TET3: variants seen among roughly 807,000 people sequenced by gnomAD.
The protein encoded by TET3 is tet methylcytosine dioxygenase 3.
A neutral mutation model predicts 141.4 loss-of-function variants in TET3; 19 were observed. The ratio of observed to expected loss-of-function variants is 0.13; its 90% CI spans 0.09 to 0.20. TET3 has a LOEUF of 0.20. TET3 is among the 10% of genes least tolerant of loss of function. TET3 has a pLI of 1.00. For synonymous variants in TET3, 1,043 were observed against 980.9 expected (o/e 1.06, Z -1.18); for missense variants, 1,874 against 2,356.9 (o/e 0.80, Z 4.24).
At chr2:74,065,098 T>C (rs368839722) in intron 4 of TET3, among the ~76,000 whole-genome samples, 4 of 152,224 alleles carry the variant, frequency 2.6e-5, no homozygotes, top group East Asian at 3.8e-4. Context: ...TCTAAAAGCT[T>C]TTTCAATGAA....
downstream of TET3, among the ~76,000 whole-genome samples, chr2:74,112,050 C>T (rs1691716547): frequency 6.6e-6 from 1 of 152,142 alleles, no homozygotes; most frequent in African/African-American, 2.4e-5. Flanking sequence ...TCTCCCTGCC[C>T]AGCTTACCAA....
chr2:74,089,508 C>T (rs1213591002), intron 7 of TET3, among the ~76,000 whole-genome samples: 2 of 152,204 alleles, frequency 1.3e-5, no homozygotes, highest in Non-Finnish European at 2.9e-5. Context: ...GAAATAGACA[C>T]GTTCAAACCC....
intron 4 of TET3, among the ~76,000 whole-genome samples, chr2:74,064,543 G>A (rs980933334): frequency 2.0e-5 from 3 of 152,122 alleles, no homozygotes; most frequent in African/African-American, 7.2e-5. Context: ...GGGACTACAG[G>A]CGTGCGTGCC....
At chr2:74,132,755 A>G in the TET3 span, among the ~76,000 whole-genome samples, 1 of 152,226 alleles carries the variant, frequency 6.6e-6, no homozygotes, top group African/African-American at 2.4e-5. Flanking sequence ...GCAGATGCCA[A>G]TCTAGAGTGA....
At chr2:74,011,612 G>A (rs1685439233) in intron 3 of TET3, among the ~76,000 whole-genome samples, 1 of 152,178 alleles carries the variant, frequency 6.6e-6, no homozygotes, top group African/African-American at 2.4e-5. Context: ...ATCACCTTTA[G>A]TTTCTTTTCT....
At position 74,100,772 on chromosome 2, in the gene TET3, G is replaced by A; in HGVS notation, c.3984G>A (p.Leu1328=). The A allele has an allele frequency of 1.9e-6, 3 of 1,613,364 alleles. No homozygotes were observed. The highest frequency in any genetic ancestry group is 2.5e-6 in the Non-Finnish European group (3 of 1,179,706). The change falls in exon 12 of 12, where the codon CTG becomes CTA. Residue 1328 remains leucine (L), a synonymous_variant. Transcript: ENST00000409262. The part of the protein sequence containing the change: ...KPDLHALHNS[L]SPAYGGAEFA... ...ACCTCCACGCTCTGCACAACAGCCT[G>A]AGCCCGGCCTACGGTGGTGCTGAGT...
Position 74,101,300 on chromosome 2 carries a change from T to C in TET3, c.4512T>C (p.Ser1504=), listed in dbSNP as rs377551317. The change falls in exon 12 of 12, where the codon TCT becomes TCC. Residue 1504 remains serine, a synonymous_variant. Coordinates refer to ENST00000409262, the MANE Select transcript of TET3 (RefSeq NM_001287491.2). This position sits in a 1 kb window ranked among gnomAD's most constrained non-coding sequence, Gnocchi z 8.5. ...PGEGQQAASH[S]GGRLRGKPWS... is the part of the protein sequence containing the mutation. ...AGGGGCAGCAGGCAGCTTCCCACTC[T>C]GGAGGACGGCTGCGAGGCAAACCGT... 9 of 1,613,254 alleles carry C rather than the reference T, an allele frequency of 5.6e-6. No homozygotes were observed. The highest frequency in any genetic ancestry group is 1.7e-4 in the Middle Eastern group (1 of 6,058).
chr2:74,044,734 CAG>C (rs1052542559), intron 3 of TET3, among the ~76,000 whole-genome samples: 3 of 152,222 alleles, frequency 2.0e-5, no homozygotes, highest in African/African-American at 7.2e-5. Flanking sequence ...GTCGCAAAGT[CAG>C]AATCTTAAGT....
At chr2:74,132,224 G>C in the TET3 span, among the ~76,000 whole-genome samples, 2 of 152,078 alleles carry the variant, frequency 1.3e-5, no homozygotes, top group East Asian at 3.9e-4. Flanking sequence ...ATGCCCCCTG[G>C]ACCCCACCTG....
At chr2:74,131,959 G>C in the TET3 span, among the ~76,000 whole-genome samples, 1 of 152,002 alleles carries the variant, frequency 6.6e-6, no homozygotes, top group Non-Finnish European at 1.5e-5. Flanking sequence ...AGCATTTAGG[G>C]GATTACACAT....
chr2:74,046,403 C>T lies in TET3; in HGVS notation c.486C>T (p.Pro162=), dbSNP rs200011812. Reference sequence around the variant, plus strand: ...TGCCGGTCAATGGTGCTAGAGAGCCCGCTGGACCCAGTCTGCTGGGGACTG... The same window carrying T: ...TGCCGGTCAATGGTGCTAGAGAGCCTGCTGGACCCAGTCTGCTGGGGACTG... ...SGVPVNGARE[P]AGPSLLGTGG... The change falls in exon 4 of 12, where the codon CCC becomes CCT. Residue 162 remains proline, a synonymous_variant. Transcript: ENST00000409262. The surrounding 1 kb of genome is among the most constrained non-coding windows in gnomAD (Gnocchi z 4.3). The T allele has an allele frequency of 1.3e-5, 20 of 1,573,136 alleles. No individual in the cohort carries two copies. The highest frequency in any genetic ancestry group is 3.6e-5 in the Admixed American group (2 of 55,070).
intron 3 of TET3, among the ~76,000 whole-genome samples, chr2:74,021,798 G>A (rs1231691374): frequency 6.6e-6 from 1 of 152,208 alleles, no homozygotes; most frequent in Non-Finnish European, 1.5e-5. Flanking sequence ...GAGGCTGCCT[G>A]TTTGGGGCTT....
chr2:74,110,523 A>G (rs1213312001), downstream of TET3, among the ~76,000 whole-genome samples: 1 of 152,134 alleles, frequency 6.6e-6, no homozygotes, highest in Non-Finnish European at 1.5e-5. Flanking sequence ...ATGAAGCCCT[A>G]AAAACATGTT....
chr2:74,128,073 T>C, the TET3 span, among the ~76,000 whole-genome samples: 1 of 152,246 alleles, frequency 6.6e-6, no homozygotes, highest in East Asian at 1.9e-4. Flanking sequence ...TATAGAAGCC[T>C]TCTCTAACCT....
the TET3 span, chr2:74,130,820 G>A: frequency 6.6e-6 from 1 of 152,266 alleles, no homozygotes; most frequent in African/African-American, 2.4e-5. Context: ...GGCATCTTCT[G>A]CGCGCAGGCC....
chr2:74,046,592 C>A lies in TET3; in HGVS notation c.675C>A (p.Asn225Lys). Residue 225 changes from asparagine to lysine, a missense_variant, in exon 4 of 12, where the codon AAC becomes AAA. By Grantham distance (94) the Asn-to-Lys change is moderately conservative. Around this residue, in one of 10 missense-constraint regions of TET3, gnomAD observed 366 missense variants for 487.0 expected, o/e 0.75. Transcript: ENST00000409262. The surrounding 1 kb of genome is among the most constrained non-coding windows in gnomAD (Gnocchi z 4.3). ...GCACCCGGCTCTATGAAACCTTCAA[C>A]CGTGAGATGAGTCGTGAGGCTGGGA... ...ALSTRLYETFNREMSREAGNN... is the reference protein window; with the variant it reads ...ALSTRLYETFKREMSREAGNN... The A allele has an allele frequency of 3.7e-6, 6 of 1,614,054 alleles. No homozygotes were observed. The highest frequency in any genetic ancestry group is 5.1e-6 in the Non-Finnish European group (6 of 1,179,888).
At position 73,986,702 on chromosome 2, in the gene TET3, A is replaced by G; in HGVS notation, c.299A>G (p.Lys100Arg). Reference protein sequence around the residue: ...EVLKKKVGLLKEVEIKAGEGA... With the variant: ...EVLKKKVGLLREVEIKAGEGA... ...CTGAAGAAAAAAGTAGGGCTTCTCA[A>G]GGAGGTAAGCCGGCCCTTGCTGGGC... is the stretch of plus-strand genomic sequence containing the variant. The change falls in exon 2 of 12, where the codon AAG becomes AGG. Residue 100 changes from lysine (K) to arginine (R), a missense_variant. Lys to Arg is a conservative substitution (Grantham distance 26, BLOSUM62 2). Transcript: ENST00000409262. 13 of 1,232,014 alleles carry G rather than the reference A, an allele frequency of 1.1e-5. No homozygotes were observed. The highest frequency in any genetic ancestry group is 1.3e-5 in the Non-Finnish European group (13 of 987,988). 76.3% of individuals were successfully genotyped at this position (1,232,014 alleles called of 1,614,324 possible).
At chr2:74,110,188 A>T (rs1691668706), downstream of TET3, among the ~76,000 whole-genome samples, 1 of 152,180 alleles carries the variant, frequency 6.6e-6, no homozygotes, top group Admixed American at 6.5e-5. Context: ...TTGCCAAATC[A>T]GGTCCACTAA....
chr2:74,018,997 A>G (rs1215072422), intron 3 of TET3, among the ~76,000 whole-genome samples: 2 of 152,118 alleles, frequency 1.3e-5, no homozygotes, highest in African/African-American at 4.8e-5. Context: ...CCATAATGCC[A>G]GTGCTTTGGG....
Sources: gnomAD v4.1 joint callset for allele counts (sites outside exome capture counted in the v4.1 genomes callset) on GRCh38, gnomAD v4.1.1 for gene constraint, gnomAD v4.1.1 regional missense constraint, Gnocchi (gnomAD v3.1) non-coding constraint, MANE v1.5 for transcripts, NCBI Gene and HGNC (gene_info 2026-07-23, HGNC 2026-07-21) for gene names.